TOGARAM1: variants seen among roughly 807,000 people sequenced by gnomAD.
TOGARAM1 encodes the protein TOG array regulator of axonemal microtubules 1.
TOGARAM1 carries 100 observed loss-of-function variants against 166.6 expected under a neutral mutation model. The ratio of observed to expected loss-of-function variants is 0.60; its 90% confidence interval spans 0.51 to 0.71. TOGARAM1 has a LOEUF of 0.71. TOGARAM1 is among the 30% of genes least tolerant of loss of function. The probability of loss-of-function intolerance (pLI) is 0.00; values close to 1 mark genes in which losing one functional copy is unlikely to be tolerated. For missense variants in TOGARAM1, 2,029 were observed against 2,102.7 expected, an observed-to-expected ratio of 0.96 and a Z score of 0.69; for synonymous variants, 758 against 763.8, an observed-to-expected ratio of 0.99 and a Z score of 0.13.
chr14:44,983,958 C>T (rs1249231225), intron 1 of TOGARAM1, among the ~76,000 whole-genome samples: 5 of 152,066 alleles, frequency 3.3e-5, no homozygotes, highest in Admixed American at 6.5e-5. Context: ...AAGCTACTAC[C>T]GGTATGTAAG....
chr14:45,026,769 G>A (rs562393640), intron 8 of TOGARAM1, among the ~76,000 whole-genome samples: 7 of 151,654 alleles, frequency 4.6e-5, no homozygotes, highest in South Asian at 4.2e-4. Context: ...AGGCCCAGGC[G>A]GGCAGATCAC....
intron 16 of TOGARAM1, among the ~76,000 whole-genome samples, chr14:45,057,766 A>G (rs897734226): frequency 1.3e-5 from 2 of 152,018 alleles, no homozygotes; most frequent in Non-Finnish European, 2.9e-5. Flanking sequence ...TCATCTTGGT[A>G]TTGATTTCTA....
chr14:44,985,265 G>A (rs1402733580), intron 1 of TOGARAM1, among the ~76,000 whole-genome samples: 1 of 152,144 alleles, frequency 6.6e-6, no homozygotes, highest in Non-Finnish European at 1.5e-5. Context: ...GCCCGTCTCG[G>A]CCTCCCAAAG....
chr14:45,001,435 G>A (rs905757724), intron 3 of TOGARAM1, among the ~76,000 whole-genome samples: 3 of 152,094 alleles, frequency 2.0e-5, no homozygotes, highest in Non-Finnish European at 2.9e-5. Context: ...CTTCTGCATG[G>A]CAAAGGAAAC....
Position 45,044,555 on chromosome 14 carries a change from T to C in TOGARAM1, c.3919-80T>C, listed in dbSNP as rs1027776680. ...GACCCTAACTCAAAAAAAAAAACAT[T>C]GTAAAATTCCTTTCCAAGTTATTAT... On this transcript the variant is annotated intron_variant, in intron 12 of 19. Coordinates refer to ENST00000361462, the MANE Select transcript of TOGARAM1 (RefSeq NM_001308120.2). The C allele has an allele frequency of 2.8e-6, 3 of 1,063,786 alleles. No individual in the cohort carries two copies. The South Asian group carries it at 4.7e-5, about 17-fold the overall frequency. The allele number at this position is 1,063,786 out of a possible 1,614,324, so 65.9% of individuals were successfully genotyped here. A position where few individuals can be genotyped will look rare whatever the true frequency, so the allele number is the denominator to read the frequency against.
At chr14:44,995,035 T>C (rs141968307) in intron 1 of TOGARAM1, among the ~76,000 whole-genome samples, 3 of 152,170 alleles carry the variant, frequency 2.0e-5, no homozygotes, top group African/African-American at 7.2e-5. Context: ...TCCGGGACAA[T>C]TGAGGTCATC....
chr14:45,038,771 A>G (rs1009551944), intron 11 of TOGARAM1, among the ~76,000 whole-genome samples: 1 of 152,150 alleles, frequency 6.6e-6, no homozygotes, highest in Non-Finnish European at 1.5e-5. Flanking sequence ...GATTTCATCC[A>G]TGTTTGTGTT....
intron 7 of TOGARAM1, among the ~76,000 whole-genome samples, chr14:45,014,835 A>T (rs757606904): frequency 6.6e-6 from 1 of 152,198 alleles, no homozygotes; most frequent in Admixed American, 6.5e-5. Context: ...GACAGAATTT[A>T]TAAAGATAAT....
chr14:45,006,469 G>T, intron 5 of TOGARAM1: 1 of 447,696 alleles, frequency 2.2e-6, no homozygotes. Flanking sequence ...ATAATTTACT[G>T]TTAACACTCT....
intron 11 of TOGARAM1, among the ~76,000 whole-genome samples, chr14:45,034,913 A>G (rs1369252177): frequency 1.3e-5 from 2 of 152,212 alleles, no homozygotes; most frequent in African/African-American, 4.8e-5. Flanking sequence ...AAAATGACAC[A>G]GGTGATAGAA....
In TOGARAM1 at chr14:45,047,494, TG is replaced by T. The variant is rs553022486; in HGVS notation, c.4313+792del. 2.4e-3 allele frequency among the ~76,000 whole-genome samples: 359 copies of T among 152,248 alleles called. 4 individuals are homozygous for T. The highest frequency in any genetic ancestry group is 8.3e-3 in the African/African-American group (345 of 41,548). ...GTGTGAAAACTACACAAATTTCTGA[TG>T]CTTTTACTGGAAAAACAATTTTATG... On this transcript the variant is annotated intron_variant, in intron 14 of 19. Transcript: ENST00000361462.
At chr14:45,033,281 G>A (rs979383017) in intron 11 of TOGARAM1, among the ~76,000 whole-genome samples, 1 of 150,996 alleles carries the variant, frequency 6.6e-6, no homozygotes, top group Non-Finnish European at 1.5e-5. Context: ...TAGAAGTTCT[G>A]CAGAATTTAA....
At chr14:45,060,772 G>A (rs537333008) in intron 16 of TOGARAM1, among the ~76,000 whole-genome samples, 4 of 152,122 alleles carry the variant, frequency 2.6e-5, no homozygotes, top group Non-Finnish European at 5.9e-5. Context: ...ATTAAAAGAA[G>A]TTATGCAAGA....
Position 45,068,432 on chromosome 14 carries a change from T to C in TOGARAM1, c.4758T>C (p.Asp1586=). 7 of 1,601,092 alleles carry C rather than the reference T, an allele frequency of 4.4e-6. No individual in the cohort carries two copies. The highest frequency in any genetic ancestry group is 6.0e-6 in the Non-Finnish European group (7 of 1,174,704). ...TACCAATTTATTTTCAGATTTTTGA[T>C]GCTTTTAAATCTCGACTTCATGATT... ...LVVGNIVKIF[D]AFKSRLHDSN... Residue 1586 remains aspartate (D), a synonymous_variant, in exon 18 of 20, where the codon GAT becomes GAC. Coordinates refer to ENST00000361462, the MANE Select transcript of TOGARAM1 (RefSeq NM_001308120.2).
chr14:44,994,523 ATCC>A (rs1414321242), intron 1 of TOGARAM1, among the ~76,000 whole-genome samples: 1 of 149,686 alleles, frequency 6.7e-6, no homozygotes, highest in African/African-American at 2.5e-5. Flanking sequence ...GGTTCAAGTA[ATCC>A]TCCTACCTCA....
chr14:45,002,940 C>G (rs1047472690), intron 3 of TOGARAM1, among the ~76,000 whole-genome samples: 1 of 152,016 alleles, frequency 6.6e-6, no homozygotes, highest in Non-Finnish European at 1.5e-5. Context: ...GATCGTGCCA[C>G]TGCACTCCAG....
intron 17 of TOGARAM1, among the ~76,000 whole-genome samples, chr14:45,067,098 A>G (rs1883172810): frequency 6.6e-6 from 1 of 152,128 alleles, no homozygotes; most frequent in Admixed American, 6.6e-5. Flanking sequence ...TCATATATAG[A>G]TATATAATTC....
chr14:45,071,470 G>C (rs1384406781), intron 18 of TOGARAM1, among the ~76,000 whole-genome samples: 1 of 151,468 alleles, frequency 6.6e-6, no homozygotes. Flanking sequence ...GCTCACTGCA[G>C]CCTCAGACTC....
At chr14:44,978,632 C>G (rs2138749170) in intron 1 of TOGARAM1, among the ~76,000 whole-genome samples, 1 of 151,714 alleles carries the variant, frequency 6.6e-6, no homozygotes, top group African/African-American at 2.4e-5. Flanking sequence ...TGGTAGGACT[C>G]TAAAAAAATA....
Sources: gnomAD v4.1 joint callset for allele counts (sites outside exome capture counted in the v4.1 genomes callset) on GRCh38, gnomAD v4.1.1 for gene constraint, MANE v1.5 for transcripts, NCBI Gene and HGNC (gene_info 2026-07-23, HGNC 2026-07-21) for gene names.